ZNF469: variants seen among roughly 807,000 people sequenced by gnomAD.
ZNF469 encodes zinc finger protein 469.
ZNF469 carries 1 observed loss-of-function variant against 1.0 expected under a neutral mutation model. That is an observed-to-expected ratio of 1.00 (90% CI 0.35 to 4.73). The LOEUF (loss-of-function observed/expected upper bound fraction) is 4.73, where lower values mean the gene tolerates loss of function less well. Among genes scored for constraint, ZNF469 ranks in the 30% most tolerant of loss-of-function variants. The pLI, the probability that ZNF469 is intolerant of heterozygous loss-of-function variation, is 0.16. For missense variants in ZNF469, 6,100 were observed against 5,356.3 expected (o/e 1.14, Z -4.33); for synonymous variants, 2,703 against 2,363.4 (o/e 1.14, Z -4.17).
chr16:88,242,684 C>G, the ZNF469 span, among the ~76,000 whole-genome samples: 1 of 152,278 alleles, frequency 6.6e-6, no homozygotes, highest in Non-Finnish European at 1.5e-5. Context: ...CAGGCAGGGT[C>G]CTAGGCAGCA....
At chr16:88,221,792 A>G in the ZNF469 span, among the ~76,000 whole-genome samples, 26 of 152,102 alleles carry the variant, frequency 1.7e-4, no homozygotes, top group African/African-American at 6.3e-4. Flanking sequence ...ATCCCACTCC[A>G]TCCGCTCCCA....
the ZNF469 span, among the ~76,000 whole-genome samples, chr16:88,264,501 T>C: frequency 5.4e-5 from 8 of 148,800 alleles, no homozygotes; most frequent in African/African-American, 2.0e-4. Flanking sequence ...CCTGTGCATG[T>C]TCACAGAGCC....
chr16:88,143,131 TG>T, the ZNF469 span, among the ~76,000 whole-genome samples: 2 of 151,656 alleles, frequency 1.3e-5, no homozygotes, highest in Non-Finnish European at 2.9e-5. Flanking sequence ...GGAGAAGCCC[TG>T]GGGGGGTGGG....
the ZNF469 span, among the ~76,000 whole-genome samples, chr16:88,355,913 C>A: frequency 2.0e-5 from 3 of 151,144 alleles, no homozygotes; most frequent in Non-Finnish European, 3.0e-5. Context: ...GCCTCTGGGG[C>A]ATGCCGTGGG....
Position 88,431,948 on chromosome 16 carries a change from C to A in ZNF469, c.4478C>A (p.Pro1493Gln), listed in dbSNP as rs369382753. 6.5e-7 allele frequency: 1 copy of A among 1,549,398 alleles called. No homozygotes were observed. Among genetic ancestry groups the A allele is most frequent in the Non-Finnish European group, 8.7e-7 (1 of 1,146,966 alleles). The change falls in exon 3 of 3, where the codon CCG (proline) becomes CAG (glutamine). Residue 1493 changes from proline to glutamine, a missense_variant. Coordinates refer to ENST00000565624, the MANE Select transcript of ZNF469 (RefSeq NM_001367624.2). ...GCCGACCCTCCCCAGAAGACGGTGCCGTCAGATCCACCGTACCCCTCTTTT... is the reference window on the plus strand; with the variant it reads ...GCCGACCCTCCCCAGAAGACGGTGCAGTCAGATCCACCGTACCCCTCTTTT... ...ACADPPQKTV[P>Q]SDPPYPSFLL...
At chr16:88,353,538 C>T in the ZNF469 span, among the ~76,000 whole-genome samples, 2 of 152,212 alleles carry the variant, frequency 1.3e-5, no homozygotes, top group Admixed American at 6.5e-5. Flanking sequence ...CAGCCTCTCG[C>T]GGCTCACTGC....
Position 88,429,983 on chromosome 16 carries a change from C to G in ZNF469, c.2513C>G (p.Ala838Gly). The G allele has an allele frequency of 6.5e-7, 1 of 1,550,348 alleles. No individual in the cohort carries two copies. ...PASDLDMEDD[A>G]KLDSLITEAL... ...TCGGACCTGGACATGGAGGATGACG[C>G]CAAGCTGGACAGCCTCATCACAGAG... Residue 838 changes from alanine to glycine, a missense_variant, in exon 3 of 3, where the codon GCC (alanine) becomes GGC (glycine). Ala to Gly is a moderately conservative substitution (Grantham distance 60). Transcript: ENST00000565624.
In ZNF469 at chr16:88,430,841, T is replaced by C; in HGVS notation, c.3371T>C (p.Val1124Ala). The change falls in exon 3 of 3, where the codon GTG becomes GCG. Residue 1124 changes from valine (V) to alanine (A), a missense_variant. By Grantham distance (64) the Val-to-Ala change is moderately conservative (BLOSUM62 0). Coordinates refer to ENST00000565624, the MANE Select transcript of ZNF469 (RefSeq NM_001367624.2). ...GGCCGAGGCGAGAAGAGGAAGGAAGTGGAGCTGACCCAGGGTCCCAGAGAG... is the reference window on the plus strand; with the variant it reads ...GGCCGAGGCGAGAAGAGGAAGGAAGCGGAGCTGACCCAGGGTCCCAGAGAG... ...RRGRGEKRKE[V>A]ELTQGPREDE... is the part of the protein sequence containing the mutation. 1 of 1,534,540 alleles carries C rather than the reference T, an allele frequency of 6.5e-7. No homozygotes were observed. Among genetic ancestry groups the C allele is most frequent in the Admixed American group, 2.0e-5 (1 of 50,840 alleles).
the ZNF469 span, among the ~76,000 whole-genome samples, chr16:88,189,267 G>A: frequency 6.6e-6 from 1 of 152,220 alleles, no homozygotes; most frequent in Non-Finnish European, 1.5e-5. This position sits in a 1 kb window ranked among gnomAD's most constrained non-coding sequence, Gnocchi z 4.3. Flanking sequence ...AAGAGCTGGA[G>A]GGATAAGGAT....
intron 1 of ZNF469, among the ~76,000 whole-genome samples, chr16:88,396,184 G>C (rs926938846): frequency 2.0e-5 from 3 of 152,250 alleles, no homozygotes; most frequent in Non-Finnish European, 4.4e-5. Flanking sequence ...ACACAATAGA[G>C]AATTTCTTGG....
rs1906409397 is a variant in ZNF469, at chr16:88,434,288, T to C, written c.6818T>C (p.Leu2273Pro). The stretch of plus-strand genomic sequence containing the variant: ...CCTGGCCGAGCCACCTCTCCTCCTC[T>C]GGCAGGGGCCGTCTCCCCCAGCGTG... ...ESPGRATSPP[L>P]AGAVSPSVAV... is the part of the protein sequence containing the mutation. Residue 2273 changes from leucine (L) to proline (P), a missense_variant, in exon 3 of 3, where the codon CTG (leucine) becomes CCG (proline). Coordinates refer to ENST00000565624, the MANE Select transcript of ZNF469 (RefSeq NM_001367624.2). 6.5e-7 allele frequency: 1 copy of C among 1,550,326 alleles called. No individual in the cohort carries two copies. The highest frequency in any genetic ancestry group is 8.7e-7 in the Non-Finnish European group (1 of 1,146,956).
the ZNF469 span, among the ~76,000 whole-genome samples, chr16:88,360,400 C>A: frequency 6.6e-6 from 1 of 152,156 alleles, no homozygotes; most frequent in East Asian, 1.9e-4. Context: ...ATAAATACAA[C>A]CTAAAACCTG....
chr16:88,125,867 C>T, the ZNF469 span, among the ~76,000 whole-genome samples: 1 of 152,074 alleles, frequency 6.6e-6, no homozygotes, highest in South Asian at 2.1e-4. Flanking sequence ...ATCCTGAGAC[C>T]CTGCTTAGTT....
chr16:88,343,924 A>G, the ZNF469 span, among the ~76,000 whole-genome samples: 13 of 152,220 alleles, frequency 8.5e-5, 1 homozygote. Flanking sequence ...GATGCTGACA[A>G]ACACGACCTC....
the ZNF469 span, among the ~76,000 whole-genome samples, chr16:88,335,116 G>C: frequency 6.6e-6 from 1 of 152,356 alleles, no homozygotes; most frequent in African/African-American, 2.4e-5. Context: ...CGCATGCCTT[G>C]ATCTGGGACT....
At chr16:88,186,936 C>G in the ZNF469 span, among the ~76,000 whole-genome samples, 2 of 152,006 alleles carry the variant, frequency 1.3e-5, no homozygotes, top group African/African-American at 4.8e-5. Context: ...ACCCGGGACG[C>G]TCAACACACC....
At chr16:88,163,497 AATGGATGGATGGATGGATGG>A in the ZNF469 span, among the ~76,000 whole-genome samples, 3 of 135,358 alleles carry the variant, frequency 2.2e-5, no homozygotes, top group African/African-American at 5.3e-5. Flanking sequence ...AGGATGGATG[AATGGATGGATGGATGGATGG>A]ATGGATGGAT....
chr16:88,332,994 G>A, the ZNF469 span, among the ~76,000 whole-genome samples: 14 of 152,314 alleles, frequency 9.2e-5, no homozygotes, highest in African/African-American at 3.4e-4. Flanking sequence ...CAGCCTCTGT[G>A]GCACCCAGAG....
chr16:88,352,303 C>T, the ZNF469 span, among the ~76,000 whole-genome samples: 37 of 152,286 alleles, frequency 2.4e-4, no homozygotes, highest in East Asian at 6.0e-3. Context: ...TGTATTTTGT[C>T]GCAGTAAAGA....
Sources: gnomAD v4.1 joint callset for allele counts (sites outside exome capture counted in the v4.1 genomes callset) on GRCh38, gnomAD v4.1.1 for gene constraint, Gnocchi (gnomAD v3.1) non-coding constraint, MANE v1.5 for transcripts, NCBI Gene and HGNC (gene_info 2026-07-23, HGNC 2026-07-21) for gene names.